Variants in MAP6 observed in about 807,000 individuals in gnomAD.
MAP6 encodes the protein microtubule associated protein 6.
MAP6 carries 26 observed loss-of-function variants against 42.4 expected under a neutral mutation model. The ratio of observed to expected loss-of-function variants is 0.61; its 90% CI spans 0.45 to 0.85. MAP6 has a LOEUF of 0.85. Among genes scored for constraint, MAP6 ranks in the 40% least tolerant of loss-of-function variants. The pLI is 0.00. For synonymous variants in MAP6, 418 were observed against 443.8 expected (o/e 0.94, Z 0.73); for missense variants, 966 against 1,099.0 (o/e 0.88, Z 1.71).
Position 75,667,625 on chromosome 11 carries a change from G to T in MAP6, c.745C>A (p.Arg249Ser). 8 of 1,293,240 alleles carry T rather than the reference G, an allele frequency of 6.2e-6. No homozygotes were observed. Among genetic ancestry groups the T allele is most frequent in the East Asian group, 3.2e-5 (1 of 30,998 alleles). 80.1% of individuals were successfully genotyped at this position (1,293,240 alleles called of 1,614,324 possible). Residue 249 changes from arginine (R) to serine (S), a missense_variant, in exon 1 of 4, where the codon CGC (arginine) becomes AGC (serine). Arg to Ser is a moderately radical substitution (Grantham distance 110, BLOSUM62 -1). Transcript: ENST00000304771. This position sits in a 1 kb window ranked among gnomAD's most constrained non-coding sequence, Gnocchi z 5.6. ...RRKAGPAWIV[R>S]RAEGLGHEQT... ...TCGTGCCCCAGGCCCTCGGCGCGGC[G>T]CACAATCCAGGCAGGCCCGGCCTTC...
At chr11:75,622,150 A>G (rs1943122608) in intron 1 of MAP6, among the ~76,000 whole-genome samples, 1 of 152,238 alleles carries the variant, frequency 6.6e-6, no homozygotes, top group Non-Finnish European at 1.5e-5. Context: ...ACATCTACAT[A>G]CTAGTAACAG....
intron 1 of MAP6, among the ~76,000 whole-genome samples, chr11:75,657,108 CTA>C (rs1413056539): frequency 4.2e-4 from 63 of 149,258 alleles, no homozygotes; most frequent in East Asian, 3.9e-3. Flanking sequence ...TGTGGAGACA[CTA>C]TTTTTTTTTT....
intron 1 of MAP6, among the ~76,000 whole-genome samples, chr11:75,662,675 A>C (rs1049169245): frequency 3.9e-4 from 60 of 152,348 alleles, no homozygotes; most frequent in African/African-American, 1.4e-3. Flanking sequence ...AATTTTGAGA[A>C]TGATGCCTTA....
At chr11:75,661,271 G>C (rs957856040) in intron 1 of MAP6, among the ~76,000 whole-genome samples, 42 of 152,132 alleles carry the variant, frequency 2.8e-4, no homozygotes, top group African/African-American at 9.4e-4. Flanking sequence ...AATTTTATCA[G>C]ATATTTGAGG....
chr11:75,597,545 T>C (rs1022061997), intron 3 of MAP6, among the ~76,000 whole-genome samples: 1 of 152,236 alleles, frequency 6.6e-6, no homozygotes, highest in African/African-American at 2.4e-5. Flanking sequence ...CTAATGACCC[T>C]TTTTAAAATG....
At chr11:75,590,305 A>C (rs1942454650) in intron 3 of MAP6, among the ~76,000 whole-genome samples, 1 of 152,204 alleles carries the variant, frequency 6.6e-6, no homozygotes, top group Admixed American at 6.5e-5. Context: ...GAAGCTGAGA[A>C]GGGACAAAAG....
intron 3 of MAP6, among the ~76,000 whole-genome samples, chr11:75,602,232 T>C (rs1942675727): frequency 1.3e-5 from 2 of 151,996 alleles, no homozygotes; most frequent in Admixed American, 1.3e-4. Context: ...CCAGCTGCTT[T>C]CCAGGGCTCC....
intron 1 of MAP6, among the ~76,000 whole-genome samples, chr11:75,610,500 C>T (rs1942877094): frequency 6.6e-6 from 1 of 152,178 alleles, no homozygotes; most frequent in African/African-American, 2.4e-5. Context: ...GTGTGGGTGG[C>T]TGGGCTCACA....
intron 1 of MAP6, among the ~76,000 whole-genome samples, chr11:75,619,012 G>C (rs1180721783): frequency 2.0e-5 from 3 of 152,210 alleles, no homozygotes; most frequent in Non-Finnish European, 4.4e-5. Context: ...GGAAGATACA[G>C]ACATGGGGAG....
At chr11:75,628,255 G>A (rs901675209) in intron 1 of MAP6, among the ~76,000 whole-genome samples, 2 of 152,214 alleles carry the variant, frequency 1.3e-5, no homozygotes, top group Non-Finnish European at 2.9e-5. Context: ...GAAAGAAGCT[G>A]GAGGGACTGC....
intron 1 of MAP6, among the ~76,000 whole-genome samples, chr11:75,608,897 C>T (rs1015023621): frequency 5.0e-4 from 76 of 152,192 alleles, no homozygotes; most frequent in African/African-American, 1.8e-3. Context: ...CTTTAACAAT[C>T]TTAATCACTT....
chr11:75,612,180 T>C (rs1211784683), intron 1 of MAP6, among the ~76,000 whole-genome samples: 2 of 152,266 alleles, frequency 1.3e-5, no homozygotes, highest in African/African-American at 2.4e-5. Context: ...CAGAAATTCA[T>C]GGTCCCCTGT....
intron 1 of MAP6, chr11:75,635,998 T>C (rs562683710): frequency 6.6e-6 from 1 of 152,394 alleles, no homozygotes; most frequent in Non-Finnish European, 1.5e-5. Context: ...TTCCCAACTT[T>C]AGTGTTCCTA....
intron 1 of MAP6, among the ~76,000 whole-genome samples, chr11:75,627,217 C>T (rs867961419): frequency 6.6e-6 from 1 of 152,210 alleles, no homozygotes; most frequent in African/African-American, 2.4e-5. Flanking sequence ...GGGATTAGCC[C>T]GTCTTTCTGC....
chr11:75,609,664 G>A (rs921710990), intron 1 of MAP6, among the ~76,000 whole-genome samples: 5 of 152,144 alleles, frequency 3.3e-5, no homozygotes, highest in Middle Eastern at 3.2e-3. Flanking sequence ...AGCTGATTTG[G>A]TAACACTGAG....
intron 1 of MAP6, among the ~76,000 whole-genome samples, chr11:75,619,643 T>A (rs1943073280): frequency 6.6e-6 from 1 of 152,216 alleles, no homozygotes; most frequent in Non-Finnish European, 1.5e-5. Flanking sequence ...TTGCTAAGGA[T>A]AATGGCCTCC....
chr11:75,646,499 T>TA (rs763735730), intron 1 of MAP6, among the ~76,000 whole-genome samples: 3,001 of 66,530 alleles, frequency 0.045, 132 homozygotes, highest in African/African-American at 0.076. Flanking sequence ...CCATCTCTAT[T>TA]AAAAAAAAAA....
At chr11:75,589,618 A>G (rs561741267) in intron 3 of MAP6, among the ~76,000 whole-genome samples, 3 of 152,210 alleles carry the variant, frequency 2.0e-5, no homozygotes, top group African/African-American at 7.2e-5. Flanking sequence ...TAGCATCTGG[A>G]TCCTTCCGCT....
At chr11:75,607,429 T>A in intron 2 of MAP6, 1 of 985,454 alleles carries the variant, frequency 1.0e-6, no homozygotes, top group Non-Finnish European at 1.2e-6. Context: ...CTTCACCAGC[T>A]ATATCTCCAA....
Sources: gnomAD v4.1 joint callset for allele counts (sites outside exome capture counted in the v4.1 genomes callset) on GRCh38, gnomAD v4.1.1 for gene constraint, Gnocchi (gnomAD v3.1) non-coding constraint, MANE v1.5 for transcripts, NCBI Gene and HGNC (gene_info 2026-07-23, HGNC 2026-07-21) for gene names.